The following SUSD4 variants were observed in gnomAD, a reference collection of about 807,000 sequenced individuals.
The protein encoded by SUSD4 is sushi domain containing 4.
Under a neutral mutation model 50.5 loss-of-function variants are expected in SUSD4, and 41 were observed. That is an observed-to-expected ratio of 0.81 (90% confidence interval 0.63 to 1.05). The LOEUF is 1.05. Ranked by LOEUF, SUSD4 falls within the 50% of genes least tolerant of loss-of-function variation. SUSD4 has a pLI of 0.00. For missense variants in SUSD4, 580 were observed against 634.7 expected, an observed-to-expected ratio of 0.91 and a Z score of 0.93; for synonymous variants, 257 against 257.3, an observed-to-expected ratio of 1.00 and a Z score of 0.01.
Position 223,245,439 on chromosome 1 carries a change from G to A in SUSD4, c.725-16051C>T, listed in dbSNP as rs529724889. On this transcript the variant is annotated intron_variant, in intron 5 of 8. Coordinates refer to ENST00000366878, the MANE Select transcript of SUSD4 (RefSeq NM_017982.4). ...GCTGGAGGAGGATGTGCCTGGCAGA[G>A]AGGATGGCACATGTGAAGGTGGGCT... 1.2e-4 allele frequency among the ~76,000 whole-genome samples: 19 copies of A among 152,138 alleles called. 1 individual carries two copies. In the South Asian group the frequency reaches 4.0e-3, roughly 32 times the overall value.
intron 2 of SUSD4, among the ~76,000 whole-genome samples, chr1:223,357,752 T>C (rs995252994): frequency 3.3e-5 from 5 of 152,220 alleles, no homozygotes; most frequent in Admixed American, 6.5e-5. Flanking sequence ...TGGTTAACAA[T>C]AGTTGAACAG....
intron 3 of SUSD4, among the ~76,000 whole-genome samples, chr1:223,272,721 G>A (rs1472607443): frequency 1.3e-5 from 2 of 152,102 alleles, no homozygotes; most frequent in African/African-American, 2.4e-5. Context: ...TTAAAGGCTC[G>A]AACGGTCTTA....
At chr1:223,359,204 C>G (rs973788210) in intron 2 of SUSD4, 2 of 461,398 alleles carry the variant, frequency 4.3e-6, no homozygotes, top group Non-Finnish European at 9.1e-6. Flanking sequence ...TCCCCACTGC[C>G]TGCTGTGTGA....
chr1:223,340,995 T>C (rs1441261153), intron 2 of SUSD4, among the ~76,000 whole-genome samples: 1 of 152,252 alleles, frequency 6.6e-6, no homozygotes, highest in Admixed American at 6.5e-5. Context: ...TAAAAGCACC[T>C]TGATTGCTAA....
intron 2 of SUSD4, among the ~76,000 whole-genome samples, chr1:223,353,122 C>T (rs1668458240): frequency 6.6e-6 from 1 of 152,182 alleles, no homozygotes. Context: ...TTTCCATTTC[C>T]AGACGTCACC....
chr1:223,356,369 T>C (rs1668666431), intron 2 of SUSD4, among the ~76,000 whole-genome samples: 1 of 152,090 alleles, frequency 6.6e-6, no homozygotes, highest in South Asian at 2.1e-4. Context: ...TTTAACCTTT[T>C]AGGGGGAACT....
chr1:223,229,596 C>T lies in SUSD4; in HGVS notation c.725-208G>A. 2.0e-6 allele frequency: 1 copy of T among 508,714 alleles called. No individual in the cohort carries two copies. Among genetic ancestry groups the T allele is most frequent in the Non-Finnish European group, 3.4e-6 (1 of 290,310 alleles). The allele number at this position is 508,714 out of a possible 1,614,324, so 31.5% of individuals were successfully genotyped here. A position where few individuals can be genotyped will look rare whatever the true frequency, so the allele number is the denominator to read the frequency against. On this transcript the variant is annotated intron_variant, in intron 5 of 8. Coordinates refer to ENST00000366878, the MANE Select transcript of SUSD4 (RefSeq NM_017982.4). This position sits in a 1 kb window ranked among gnomAD's most constrained non-coding sequence, Gnocchi z 4.7. ...CCTGCTGTAATATTCTGAGCACGTG[C>T]CGTTGTGACATGGCATTGTGAAGTA...
In SUSD4 at chr1:223,224,858, C is replaced by T. The variant is rs974878592; in HGVS notation, c.1062-1227G>A. ...ATAAGTAGCCAATAGAACTTGGTTTCTTCCTTTTTTTTTTTTTTTTTTTTT... is the reference window on the plus strand; with the variant it reads ...ATAAGTAGCCAATAGAACTTGGTTTTTTCCTTTTTTTTTTTTTTTTTTTTT... On this transcript the variant is annotated intron_variant, in intron 7 of 8. Coordinates refer to ENST00000366878, the MANE Select transcript of SUSD4 (RefSeq NM_017982.4). 3.9e-3 allele frequency among the ~76,000 whole-genome samples: 456 copies of T among 115,474 alleles called. 3 individuals are homozygous for T. Among genetic ancestry groups the T allele is most frequent in the African/African-American group, 0.016 (423 of 27,086 alleles). The allele number at this position is 115,474 out of a possible 152,430, so 75.8% of individuals were successfully genotyped here.
intron 2 of SUSD4, among the ~76,000 whole-genome samples, chr1:223,310,199 G>A (rs1249324739): frequency 6.6e-6 from 1 of 152,162 alleles, no homozygotes; most frequent in African/African-American, 2.4e-5. Context: ...GCTGCTCTGT[G>A]TGGAAGAACC....
chr1:223,263,176 G>C (rs1662242686), intron 5 of SUSD4, among the ~76,000 whole-genome samples: 1 of 152,176 alleles, frequency 6.6e-6, no homozygotes, highest in Non-Finnish European at 1.5e-5. Flanking sequence ...TCTGAGTAGG[G>C]AGAAGCCTCC....
intron 3 of SUSD4, among the ~76,000 whole-genome samples, chr1:223,289,502 A>G (rs1664349090): frequency 6.6e-6 from 1 of 152,214 alleles, no homozygotes; most frequent in African/African-American, 2.4e-5. Flanking sequence ...CAGCTGCCCA[A>G]TACCACCTTG....
chr1:223,270,398 TG>T lies in SUSD4; in HGVS notation c.362-1724del, dbSNP rs556814814. ...AGCAAGCTGTGAGGGCACAGCCCTCTGGAGCACGGCTAACAGGCTTGGGGCA... is the reference window on the plus strand; with the variant it reads ...AGCAAGCTGTGAGGGCACAGCCCTCTGAGCACGGCTAACAGGCTTGGGGCA... On this transcript the variant is annotated intron_variant, in intron 3 of 8. Coordinates refer to ENST00000366878, the MANE Select transcript of SUSD4 (RefSeq NM_017982.4). Among the ~76,000 whole-genome samples, 29 of 152,304 alleles carry T rather than the reference TG, an allele frequency of 1.9e-4. No individual in the cohort carries two copies. In the East Asian group the frequency reaches 5.6e-3, roughly 29 times the overall value.
chr1:223,334,948 A>T (rs1667376387), intron 2 of SUSD4, among the ~76,000 whole-genome samples: 1 of 152,064 alleles, frequency 6.6e-6, no homozygotes, highest in East Asian at 1.9e-4. Flanking sequence ...CTTAGCTCCC[A>T]CTTATGAGTG....
intron 2 of SUSD4, among the ~76,000 whole-genome samples, chr1:223,307,728 A>G (rs568432051): frequency 1.2e-4 from 19 of 152,310 alleles, no homozygotes; most frequent in African/African-American, 4.6e-4. Flanking sequence ...GTGTTCTTTC[A>G]CTACCCGGGT....
chr1:223,296,237 G>T (rs970018875), intron 2 of SUSD4, among the ~76,000 whole-genome samples: 1 of 152,158 alleles, frequency 6.6e-6, no homozygotes, highest in African/African-American at 2.4e-5. Flanking sequence ...CACAAAACCT[G>T]GTGACCTCCT....
At chr1:223,250,087 G>A (rs1009758233) in intron 5 of SUSD4, among the ~76,000 whole-genome samples, 3 of 152,160 alleles carry the variant, frequency 2.0e-5, no homozygotes, top group Admixed American at 6.5e-5. Context: ...ACACTTAGTG[G>A]CCATGACCTT....
intron 2 of SUSD4, among the ~76,000 whole-genome samples, chr1:223,325,069 T>A (rs555784836): frequency 7.2e-5 from 11 of 152,106 alleles, no homozygotes; most frequent in Non-Finnish European, 1.2e-4. Context: ...ATTTGGAAAT[T>A]CTTATGATTT....
chr1:223,267,633 G>C (rs908395507), intron 4 of SUSD4, among the ~76,000 whole-genome samples: 3 of 152,070 alleles, frequency 2.0e-5, no homozygotes, highest in Non-Finnish European at 4.4e-5. Context: ...AAGGGGTCAC[G>C]ACTTTTAAGC....
chr1:223,276,983 T>A (rs1160321137), intron 3 of SUSD4, among the ~76,000 whole-genome samples: 1 of 152,236 alleles, frequency 6.6e-6, no homozygotes, highest in East Asian at 1.9e-4. Flanking sequence ...AGAAGACAGC[T>A]CACTTAACAT....
Sources: allele counts gnomAD v4.1 joint callset (sites outside exome capture counted in the v4.1 genomes callset), GRCh38; gene constraint gnomAD v4.1.1; non-coding constraint Gnocchi (gnomAD v3.1); transcripts MANE v1.5; gene names NCBI Gene and HGNC (gene_info 2026-07-23, HGNC 2026-07-21).